The following CSMD1 variants were observed in gnomAD, a reference collection of about 807,000 sequenced individuals.
The protein encoded by CSMD1 is CUB and sushi domain-containing protein 1.
In CSMD1, 213 loss-of-function variants were observed where a neutral mutation model predicts 417.5. The ratio of observed to expected loss-of-function variants is 0.51; its 90% CI spans 0.46 to 0.57. The LOEUF (loss-of-function observed/expected upper bound fraction) is 0.57. Among genes scored for constraint, CSMD1 ranks in the 20% least tolerant of loss-of-function variants. CSMD1 has a pLI of 0.00. For synonymous variants in CSMD1, 2,862 were observed against 1,736.8 expected (o/e 1.65, Z -16.11); for missense variants, 6,923 against 4,529.7 (o/e 1.53, Z -15.17).
At chr8:4,128,992 C>A (rs1440709777) in intron 3 of CSMD1, among the ~76,000 whole-genome samples, 1 of 146,426 alleles carries the variant, frequency 6.8e-6, no homozygotes, top group African/African-American at 2.5e-5. Context: ...AGGAGAGTTG[C>A]TTGAACCCGG....
At chr8:3,022,204 C>T (rs34486752) in intron 51 of CSMD1, among the ~76,000 whole-genome samples, 2 of 144,610 alleles carry the variant, frequency 1.4e-5, no homozygotes, top group African/African-American at 2.6e-5. Flanking sequence ...GGAATGCACC[C>T]GCAGCCCCAC....
intron 1 of CSMD1, among the ~76,000 whole-genome samples, chr8:4,880,228 G>C (rs1159515035): frequency 6.6e-6 from 1 of 151,990 alleles, no homozygotes; most frequent in African/African-American, 2.4e-5. Context: ...ATTTTTCGGA[G>C]ATACGCATTC....
At chr8:3,975,880 G>C (rs1054592906) in intron 5 of CSMD1, among the ~76,000 whole-genome samples, 11 of 151,862 alleles carry the variant, frequency 7.2e-5, no homozygotes, top group African/African-American at 2.4e-4. Flanking sequence ...CAAATATTAT[G>C]TTTTCATTAG....
intron 2 of CSMD1, among the ~76,000 whole-genome samples, chr8:4,464,667 T>A (rs1375231148): frequency 6.6e-6 from 1 of 152,122 alleles, no homozygotes; most frequent in Admixed American, 6.5e-5. Flanking sequence ...GGGCCGCCTG[T>A]AGTCAATCCT....
chr8:4,303,682 G>C (rs1013210620), intron 3 of CSMD1, among the ~76,000 whole-genome samples: 3 of 151,914 alleles, frequency 2.0e-5, no homozygotes, highest in African/African-American at 7.3e-5. Flanking sequence ...TTGAGATGTA[G>C]TCTTGCTCTC....
At chr8:4,663,497 A>C (rs776000379) in intron 1 of CSMD1, among the ~76,000 whole-genome samples, 2 of 152,272 alleles carry the variant, frequency 1.3e-5, no homozygotes, top group East Asian at 1.9e-4. Flanking sequence ...TCATGGGCAC[A>C]GATATTCCCC....
At chr8:3,078,319 T>C (rs1326913692) in intron 49 of CSMD1, among the ~76,000 whole-genome samples, 1 of 152,196 alleles carries the variant, frequency 6.6e-6, no homozygotes, top group African/African-American at 2.4e-5. Flanking sequence ...ACAGTTAGAA[T>C]AGGTGAAGTT....
intron 10 of CSMD1, chr8:3,515,271 T>C (rs1390575982): frequency 6.6e-6 from 1 of 152,182 alleles, no homozygotes. Context: ...GTACCTGCTT[T>C]TTCTGGAGTA....
At chr8:3,488,414 A>G (rs58861821) in intron 11 of CSMD1, among the ~76,000 whole-genome samples, 10 of 152,132 alleles carry the variant, frequency 6.6e-5, no homozygotes, top group Admixed American at 6.5e-5. Context: ...GGCCAATAAC[A>G]TGTCTTTTGA....
intron 3 of CSMD1, among the ~76,000 whole-genome samples, chr8:4,079,888 G>T (rs1585268885): frequency 1.3e-5 from 2 of 152,112 alleles, no homozygotes; most frequent in Non-Finnish European, 2.9e-5. Context: ...ATAGGCTGGG[G>T]CAGAAGGGCC....
chr8:3,572,347 T>A (rs1799980990), intron 10 of CSMD1, among the ~76,000 whole-genome samples: 1 of 152,094 alleles, frequency 6.6e-6, no homozygotes, highest in Non-Finnish European at 1.5e-5. Context: ...TCTGCCACTG[T>A]GAAGCGGGCT....
At chr8:4,284,822 G>T (rs896484082) in intron 3 of CSMD1, among the ~76,000 whole-genome samples, 1 of 151,970 alleles carries the variant, frequency 6.6e-6, no homozygotes, top group Non-Finnish European at 1.5e-5. Context: ...ATATGTGGCC[G>T]TGTTCAAAAA....
chr8:4,398,094 T>C (rs1401367515), intron 3 of CSMD1, among the ~76,000 whole-genome samples: 4 of 152,200 alleles, frequency 2.6e-5, no homozygotes, highest in South Asian at 4.1e-4. Flanking sequence ...AAGGAAGAGA[T>C]ATGCCATCTT....
At chr8:3,485,268 T>C (rs118023716) in intron 11 of CSMD1, among the ~76,000 whole-genome samples, 4,390 of 152,298 alleles carry the variant, frequency 0.029, 87 homozygotes, top group Non-Finnish European at 0.043. Flanking sequence ...CAGGGAATTT[T>C]GCTGAGTGAG....
intron 3 of CSMD1, among the ~76,000 whole-genome samples, chr8:4,418,174 C>G (rs546462453): frequency 6.6e-6 from 1 of 152,038 alleles, no homozygotes; most frequent in East Asian, 1.9e-4. Flanking sequence ...TTGTCAACAT[C>G]AGACTATAAT....
intron 26 of CSMD1, among the ~76,000 whole-genome samples, chr8:3,266,629 G>T (rs953781858): frequency 1.3e-5 from 1 of 78,794 alleles, no homozygotes; most frequent in Non-Finnish European, 2.7e-5. Flanking sequence ...AAAAAAAAAA[G>T]CCAGGCATGG....
chr8:3,370,491 G>A (rs949589273), intron 18 of CSMD1, among the ~76,000 whole-genome samples: 2 of 152,206 alleles, frequency 1.3e-5, no homozygotes, highest in African/African-American at 2.4e-5. Flanking sequence ...CACCTCCACT[G>A]TGATGGTGAA....
chr8:4,375,317 C>T (rs924513461), intron 3 of CSMD1, among the ~76,000 whole-genome samples: 8 of 152,144 alleles, frequency 5.3e-5, no homozygotes, highest in Admixed American at 3.9e-4. Flanking sequence ...AAGCACCTTT[C>T]TTCCTGGTCT....
rs150157256 is a variant in CSMD1, at chr8:2,990,319, C to A, written c.8377+7692G>T. Among the ~76,000 whole-genome samples, 911 of 152,220 alleles carry A rather than the reference C, an allele frequency of 6.0e-3. 11 individuals carry two copies. The highest frequency in any genetic ancestry group is 0.014 in the Middle Eastern group (4 of 294). On this transcript the variant is annotated intron_variant, in intron 54 of 69. Coordinates refer to ENST00000635120, the MANE Select transcript of CSMD1 (RefSeq NM_033225.6). The stretch of plus-strand genomic sequence containing the variant: ...TTCCTCTGAGAACTGAATGAGTTAA[C>A]GTGATTGTTTCAGCCATATTTAGCA...
Sources: gnomAD v4.1 joint callset for allele counts (sites outside exome capture counted in the v4.1 genomes callset) on GRCh38, gnomAD v4.1.1 for gene constraint, MANE v1.5 for transcripts, NCBI Gene and HGNC (gene_info 2026-07-23, HGNC 2026-07-21) for gene names.